Variants in BAIAP2 observed in about 807,000 individuals in gnomAD.
BAIAP2 encodes BAR/IMD domain-containing adapter protein 2.
A neutral mutation model predicts 63.0 loss-of-function variants in BAIAP2; 18 were observed. That is an observed-to-expected ratio of 0.29 (90% CI 0.20 to 0.42). BAIAP2 has a LOEUF of 0.42. BAIAP2 is among the 10% of genes least tolerant of loss of function. BAIAP2 has a pLI of 1.00. For synonymous variants in BAIAP2, 386 were observed against 307.6 expected (o/e 1.25, Z -2.67); for missense variants, 610 against 734.3 (o/e 0.83, Z 1.96).
At chr17:81,109,372 T>TAAAAAAA (rs747875777) in intron 13 of BAIAP2, 21 of 890,566 alleles carry the variant, frequency 2.4e-5, no homozygotes, top group East Asian at 1.3e-4. Flanking sequence ...AGAAAAATCT[T>TAAAAAAA]AAAAAAAAAA....
At chr17:81,044,323 G>A (rs764171984) in intron 1 of BAIAP2, among the ~76,000 whole-genome samples, 3 of 152,242 alleles carry the variant, frequency 2.0e-5, no homozygotes, top group Non-Finnish European at 4.4e-5. Flanking sequence ...TCTGCGATTG[G>A]CGGTAATGAG....
At chr17:81,086,684 G>C in intron 6 of BAIAP2, 104 bp downstream of exon 6, 2 of 1,336,298 alleles carry the variant, frequency 1.5e-6, no homozygotes, top group Non-Finnish European at 1.0e-6. Context: ...CCCCAGGTGC[G>C]ATCAGACAGA....
chr17:81,107,786 G>C (rs969193121), intron 12 of BAIAP2: 2 of 152,544 alleles, frequency 1.3e-5, no homozygotes. Context: ...GGAGTCCCTA[G>C]ATTGACAGCC....
chr17:81,107,248 C>A lies in BAIAP2; in HGVS notation c.1500+341C>A, dbSNP rs1026375556. 2.6e-5 allele frequency: 7 copies of A among 269,660 alleles called. No individual in the cohort carries two copies. In the East Asian group the frequency reaches 4.2e-4, roughly 16 times the overall value. 16.7% of individuals were successfully genotyped at this position (269,660 alleles called of 1,614,324 possible). A position where few individuals can be genotyped will look rare whatever the true frequency, so the allele number is the denominator to read the frequency against. On this transcript the variant is annotated intron_variant, in intron 12 of 13. Transcript: ENST00000428708. ...GCTGGCCTAGAGGTGGGCCTGGACG[C>A]CGCCGCCTTTTGGGAGAGCCAGGGG...
At position 81,116,245 on chromosome 17, in the gene BAIAP2, C is replaced by T. The variant is rs776788435; in HGVS notation, c.*406C>T. 9.3e-6 allele frequency: 15 copies of T among 1,612,464 alleles called. No homozygotes were observed. The highest frequency in any genetic ancestry group is 8.8e-5 in the South Asian group (8 of 91,088). On this transcript the variant is annotated 3_prime_UTR_variant, in exon 14 of 14. Coordinates refer to ENST00000428708, the MANE Select transcript of BAIAP2 (RefSeq NM_001144888.2). ...CCTGCACCAGGTGTGATCTGTCCGC[C>T]CAAGGGCCAGAAGGCCGGGAGCACG...
At chr17:81,056,856 TTTTTCTGCTGTTG>T in intron 2 of BAIAP2, among the ~76,000 whole-genome samples, 1 of 151,788 alleles carries the variant, frequency 6.6e-6, no homozygotes, top group African/African-American at 2.4e-5. Flanking sequence ...TGCTGTTGCG[TTTTTCTGCTGTTG>T]CGTTTTTCTG....
At chr17:81,084,804 C>G (rs375538586) in intron 3 of BAIAP2, 28 bp from the exon 4 acceptor site, 2 of 1,610,838 alleles carry the variant, frequency 1.2e-6, no homozygotes, top group African/African-American at 1.3e-5. Context: ...TGACTCCCTC[C>G]CCTTCCTTCT....
chr17:81,047,751 A>G (rs1367972433), intron 1 of BAIAP2, among the ~76,000 whole-genome samples: 1 of 151,596 alleles, frequency 6.6e-6, no homozygotes, highest in Non-Finnish European at 1.5e-5. Flanking sequence ...ACAAGTAAAC[A>G]TGCAGCTCAT....
At chr17:81,058,074 C>T in intron 3 of BAIAP2, 107 bp downstream of exon 3, 1 of 907,316 alleles carries the variant, frequency 1.1e-6, no homozygotes, top group Non-Finnish European at 1.6e-6. Context: ...CAGGTTTTGC[C>T]TGTCAAATAG....
chr17:81,097,773 T>C (rs2057879533), intron 6 of BAIAP2: 3 of 221,268 alleles, frequency 1.4e-5, no homozygotes, highest in Non-Finnish European at 2.6e-5. Context: ...GCTGGCTCCC[T>C]GCTGAAGCAG....
At chr17:81,073,994 G>C (rs1220483977) in intron 3 of BAIAP2, among the ~76,000 whole-genome samples, 2 of 152,214 alleles carry the variant, frequency 1.3e-5, no homozygotes, top group East Asian at 3.8e-4. Flanking sequence ...AAATGAGAGA[G>C]ACTAAAGCCA....
chr17:81,097,199 C>T (rs568463705), intron 6 of BAIAP2, among the ~76,000 whole-genome samples: 3 of 152,342 alleles, frequency 2.0e-5, no homozygotes, highest in South Asian at 2.1e-4. Flanking sequence ...ATAGGAGTAG[C>T]AAGCCCGTTG....
chr17:81,085,787 C>T, intron 5 of BAIAP2, 62 bp downstream of exon 5: 2 of 1,316,872 alleles, frequency 1.5e-6, no homozygotes, highest in East Asian at 2.3e-5. Context: ...TCCCAAATGC[C>T]TGCCACTCCT....
chr17:81,084,089 T>G (rs942696566), intron 3 of BAIAP2, among the ~76,000 whole-genome samples: 25 of 152,204 alleles, frequency 1.6e-4, no homozygotes, highest in African/African-American at 6.0e-4. Context: ...GCCACGATTT[T>G]GATTTCTTAA....
intron 2 of BAIAP2, chr17:81,057,558 T>C: frequency 4.3e-6 from 4 of 922,408 alleles, no homozygotes; most frequent in Non-Finnish European, 5.3e-6. Context: ...ATACAGTTAG[T>C]ACAACACTCC....
chr17:81,040,247 C>T (rs2143479377), intron 1 of BAIAP2, among the ~76,000 whole-genome samples: 1 of 152,382 alleles, frequency 6.6e-6, no homozygotes. Context: ...GATAGGGAAG[C>T]ATCTTTGTGG....
intron 1 of BAIAP2, among the ~76,000 whole-genome samples, chr17:81,042,402 C>CA (rs1362675542): frequency 6.6e-6 from 1 of 152,044 alleles, no homozygotes; most frequent in African/African-American, 2.4e-5. Flanking sequence ...GCAGTCCTCC[C>CA]ACCTTGGCCT....
intron 3 of BAIAP2, 130 bp from the exon 4 acceptor site, chr17:81,084,700 CCT>C (rs2055260027): frequency 2.4e-6 from 2 of 819,742 alleles, no homozygotes; most frequent in Non-Finnish European, 4.2e-6. Flanking sequence ...CCCTTCTGGC[CCT>C]GACACCCCGG....
intron 13 of BAIAP2, chr17:81,109,637 G>A: frequency 1.0e-6 from 1 of 985,392 alleles, no homozygotes; most frequent in South Asian, 4.7e-5. Flanking sequence ...CTGTGAGGGA[G>A]GCCGGGCCCG....
Sources: gnomAD v4.1 joint callset for allele counts (sites outside exome capture counted in the v4.1 genomes callset) on GRCh38, gnomAD v4.1.1 for gene constraint, MANE v1.5 for transcripts, NCBI Gene and HGNC (gene_info 2026-07-23, HGNC 2026-07-21) for gene names.